Variants in DYNC1I1 observed in about 807,000 individuals in gnomAD.
DYNC1I1 encodes the protein cytoplasmic dynein 1 intermediate chain 1.
Under a neutral mutation model 86.6 loss-of-function variants are expected in DYNC1I1, and 43 were observed. The ratio of observed to expected loss-of-function variants is 0.50; its 90% CI spans 0.39 to 0.64. The LOEUF is 0.64. Among genes scored for constraint, DYNC1I1 ranks in the 30% least tolerant of loss-of-function variants. The pLI, the probability that DYNC1I1 is intolerant of heterozygous loss-of-function variation, is 0.00. For missense variants in DYNC1I1, 604 were observed against 788.8 expected, an observed-to-expected ratio of 0.77 and a Z score of 2.81; for synonymous variants, 262 against 283.7, an observed-to-expected ratio of 0.92 and a Z score of 0.77.
chr7:95,901,601 C>T (rs559758342), intron 6 of DYNC1I1, among the ~76,000 whole-genome samples: 131 of 152,248 alleles, frequency 8.6e-4, no homozygotes, highest in Non-Finnish European at 1.3e-3. Flanking sequence ...AATATATTGC[C>T]TTTTTAGGAT....
intron 6 of DYNC1I1, among the ~76,000 whole-genome samples, chr7:95,928,173 ACCC>A (rs1791796320): frequency 1.3e-5 from 2 of 152,308 alleles, no homozygotes; most frequent in African/African-American, 2.4e-5. Context: ...TCAGGATAGC[ACCC>A]ATTTCTGTAG....
intron 5 of DYNC1I1, among the ~76,000 whole-genome samples, chr7:95,856,318 T>TATG (rs1417184426): frequency 6.6e-6 from 1 of 152,216 alleles, no homozygotes; most frequent in African/African-American, 2.4e-5. Context: ...TGTAATATTC[T>TATG]ATGATAATAA....
At chr7:95,842,529 T>G (rs1789314955) in intron 5 of DYNC1I1, among the ~76,000 whole-genome samples, 1 of 152,118 alleles carries the variant, frequency 6.6e-6, no homozygotes, top group Non-Finnish European at 1.5e-5. Context: ...AATTGCATTC[T>G]TGGATGTGCT....
intron 6 of DYNC1I1, among the ~76,000 whole-genome samples, chr7:95,970,333 C>T (rs182165188): frequency 7.2e-5 from 11 of 152,252 alleles, no homozygotes; most frequent in Admixed American, 4.6e-4. Flanking sequence ...GCAGCCTCCA[C>T]GTTGCTGCCA....
At chr7:96,033,488 C>A (rs930985316) in intron 12 of DYNC1I1, among the ~76,000 whole-genome samples, 2 of 152,140 alleles carry the variant, frequency 1.3e-5, no homozygotes, top group African/African-American at 4.8e-5. Context: ...TACACACACG[C>A]TTTTTCCATA....
intron 10 of DYNC1I1, among the ~76,000 whole-genome samples, chr7:96,001,396 C>A (rs753929751): frequency 2.6e-5 from 4 of 152,138 alleles, no homozygotes; most frequent in Admixed American, 6.5e-5. Flanking sequence ...ATTCTAACTA[C>A]CTCTTAAGAT....
chr7:95,780,040 G>A (rs1175083701), intron 1 of DYNC1I1, among the ~76,000 whole-genome samples: 1 of 152,026 alleles, frequency 6.6e-6, no homozygotes, highest in Non-Finnish European at 1.5e-5. Flanking sequence ...AATCCTTTTC[G>A]TCTGGCTTTG....
chr7:95,952,364 C>T (rs1792583758), intron 6 of DYNC1I1, among the ~76,000 whole-genome samples: 1 of 152,150 alleles, frequency 6.6e-6, no homozygotes, highest in Non-Finnish European at 1.5e-5. Context: ...TTGCAACTCC[C>T]TTCACTAATG....
intron 6 of DYNC1I1, among the ~76,000 whole-genome samples, chr7:95,909,256 C>T (rs1036669575): frequency 2.6e-3 from 26 of 10,022 alleles, no homozygotes; most frequent in East Asian, 0.01. Context: ...GGGGGGGGGG[C>T]GGGGCGGGAA....
chr7:95,793,325 A>G (rs998447783), intron 1 of DYNC1I1, among the ~76,000 whole-genome samples: 7 of 152,176 alleles, frequency 4.6e-5, no homozygotes, highest in African/African-American at 1.7e-4. Flanking sequence ...GGAAAAGACA[A>G]GATGGCAGCA....
intron 6 of DYNC1I1, among the ~76,000 whole-genome samples, chr7:95,909,080 A>G (rs1791252123): frequency 6.6e-6 from 1 of 151,268 alleles, no homozygotes; most frequent in African/African-American, 2.4e-5. Flanking sequence ...CTGATGAAAT[A>G]CCAAAGAGAG....
chr7:96,074,384 C>T (rs1427795697), intron 14 of DYNC1I1, among the ~76,000 whole-genome samples: 1 of 151,872 alleles, frequency 6.6e-6, no homozygotes, highest in East Asian at 1.9e-4. Context: ...CCCATCTCTA[C>T]TAAAAATACA....
intron 6 of DYNC1I1, among the ~76,000 whole-genome samples, chr7:95,894,914 G>A (rs1790838811): frequency 6.6e-6 from 1 of 152,180 alleles, no homozygotes; most frequent in Non-Finnish European, 1.5e-5. Flanking sequence ...CATTGGTTGT[G>A]TGTTGTGCAA....
chr7:96,077,613 A>G (rs1345043891), intron 15 of DYNC1I1, among the ~76,000 whole-genome samples: 1 of 152,092 alleles, frequency 6.6e-6, no homozygotes, highest in Non-Finnish European at 1.5e-5. Flanking sequence ...TATTGCTTCT[A>G]TTTGCTAGGA....
rs938435473 is a variant in DYNC1I1, at chr7:95,943,514, A to G, written c.491-33998A>G. Among the ~76,000 whole-genome samples, 3 of 121,028 alleles carry G rather than the reference A, an allele frequency of 2.5e-5. No individual in the cohort carries two copies. In the Admixed American group the frequency reaches 2.9e-4, roughly 12 times the overall value. 79.4% of individuals were successfully genotyped at this position (121,028 alleles called of 152,430 possible). ...CCAATGCCTTCCTTCACAGAATTGG[A>G]AAAAAGTACTTTAAAGTTCATATGG... On this transcript the variant is annotated intron_variant, in intron 6 of 16. Coordinates refer to ENST00000447467, the MANE Select transcript of DYNC1I1 (RefSeq NM_001135556.2).
intron 14 of DYNC1I1, chr7:96,055,679 A>G (rs1789556214): frequency 6.6e-6 from 1 of 151,160 alleles, no homozygotes. Flanking sequence ...ATTATGCACT[A>G]AATTGTGAAA....
chr7:95,987,033 C>A (rs760773968), intron 8 of DYNC1I1, 23 bp from the exon 9 acceptor site: 5 of 1,604,280 alleles, frequency 3.1e-6, no homozygotes, highest in Non-Finnish European at 4.3e-6. Flanking sequence ...CCATATTTAT[C>A]TCTGATGTTT....
chr7:95,984,818 C>G lies in DYNC1I1; in HGVS notation c.584C>G (p.Pro195Arg). 6.2e-7 allele frequency: 1 copy of G among 1,602,938 alleles called. No homozygotes were observed. The highest frequency in any genetic ancestry group is 8.5e-7 in the Non-Finnish European group (1 of 1,176,854). The change falls in exon 8 of 17, where the codon CCT (proline) becomes CGT (arginine). Residue 195 changes from proline (P) to arginine (R), a missense_variant. Coordinates refer to ENST00000447467, the MANE Select transcript of DYNC1I1 (RefSeq NM_001135556.2). ...ACAAAAAAATAAATAAATAAAGCCCCTCCAAGAGAGTTGACAGAGGAAGAA... is the reference window on the plus strand; with the variant it reads ...ACAAAAAAATAAATAAATAAAGCCCGTCCAAGAGAGTTGACAGAGGAAGAA... ...QDKKQEVKEA[P>R]PRELTEEEKQ...
intron 5 of DYNC1I1, among the ~76,000 whole-genome samples, chr7:95,840,716 G>T (rs1253681948): frequency 6.6e-6 from 1 of 152,182 alleles, no homozygotes; most frequent in African/African-American, 2.4e-5. Context: ...CATTAGGCTA[G>T]CTAGAGATTC....
Sources: gnomAD v4.1 joint callset for allele counts (sites outside exome capture counted in the v4.1 genomes callset) on GRCh38, gnomAD v4.1.1 for gene constraint, MANE v1.5 for transcripts, NCBI Gene and HGNC (gene_info 2026-07-23, HGNC 2026-07-21) for gene names.